The following LRCH1 variants were observed in gnomAD, a reference collection of about 807,000 sequenced individuals.
LRCH1 encodes leucine rich repeats and calponin homology domain containing 1.
LRCH1 carries 23 observed loss-of-function variants against 94.9 expected under a neutral mutation model. The ratio of observed to expected loss-of-function variants is 0.24; its 90% CI spans 0.17 to 0.34. The LOEUF is 0.34. LRCH1 is among the 10% of genes least tolerant of loss of function. The probability of loss-of-function intolerance (pLI) is 1.00; values close to 1 mark genes in which losing one functional copy is unlikely to be tolerated. For synonymous variants in LRCH1, 364 were observed against 354.9 expected (o/e 1.03, Z -0.29); for missense variants, 790 against 945.9 (o/e 0.84, Z 2.16).
intron 1 of LRCH1, among the ~76,000 whole-genome samples, chr13:46,607,197 G>A (rs564772316): frequency 1.1e-3 from 164 of 152,224 alleles, no homozygotes; most frequent in Non-Finnish European, 1.6e-3. Flanking sequence ...CTACTTGGCT[G>A]TTAACTTGCC....
chr13:46,690,742 C>A (rs1413044866), intron 7 of LRCH1, among the ~76,000 whole-genome samples: 1 of 152,182 alleles, frequency 6.6e-6, no homozygotes, highest in East Asian at 1.9e-4. Flanking sequence ...ATTACAGCCT[C>A]CTTTCCTAAG....
In LRCH1 at chr13:46,697,144, T is replaced by C. The variant is rs188971062; in HGVS notation, c.1245+2127T>C. On this transcript the variant is annotated intron_variant, in intron 9 of 19. Coordinates refer to ENST00000389797, the MANE Select transcript of LRCH1 (RefSeq NM_001164211.2). ...GCATCTTGGACCTTTGCAACCACAGTCAATTTTCATTATTCACAGCAGTTA... is the reference window on the plus strand; with the variant it reads ...GCATCTTGGACCTTTGCAACCACAGCCAATTTTCATTATTCACAGCAGTTA... Among the ~76,000 whole-genome samples the C allele has an allele frequency of 3.3e-3, 510 of 152,298 alleles. 3 individuals are homozygous for C. Among genetic ancestry groups the C allele is most frequent in the African/African-American group, 0.012 (480 of 41,576 alleles).
chr13:46,750,736 C>CT (rs1874093997), exon 19 of LRCH1: 1 of 838,396 alleles, frequency 1.2e-6, no homozygotes, highest in Non-Finnish European at 1.9e-6. Context: ...AACCCTCTCT[C>CT]CCACCCACTG....
chr13:46,618,897 T>C (rs1253009312), intron 1 of LRCH1, among the ~76,000 whole-genome samples: 2 of 152,154 alleles, frequency 1.3e-5, no homozygotes, highest in African/African-American at 2.4e-5. Context: ...GTTTTCCCCA[T>C]GTGGGTTTGT....
intron 3 of LRCH1, among the ~76,000 whole-genome samples, chr13:46,677,132 G>A (rs756776841): frequency 1.3e-5 from 2 of 151,994 alleles, no homozygotes; most frequent in African/African-American, 2.4e-5. Context: ...CTAGTCAGCC[G>A]GGCACGGTGG....
chr13:46,601,649 G>A (rs1431041532), intron 1 of LRCH1, among the ~76,000 whole-genome samples: 3 of 152,156 alleles, frequency 2.0e-5, no homozygotes, highest in Admixed American at 1.3e-4. Context: ...AAATGAATTA[G>A]GTTAATAAGA....
chr13:46,589,613 T>G (rs1242554493), intron 1 of LRCH1, among the ~76,000 whole-genome samples: 1 of 148,606 alleles, frequency 6.7e-6, no homozygotes, highest in Non-Finnish European at 1.5e-5. Context: ...TTTTTTTTTT[T>G]TTTTGAGATG....
intron 17 of LRCH1, among the ~76,000 whole-genome samples, chr13:46,724,611 G>T (rs1872727044): frequency 1.3e-5 from 2 of 152,132 alleles, no homozygotes; most frequent in African/African-American, 4.8e-5. Context: ...TTGTCTACCT[G>T]CATGGTCTTT....
At position 46,553,667 on chromosome 13, in the gene LRCH1, GC is replaced by G; in HGVS notation, c.276del (p.His94ThrfsTer52). On this transcript the variant is annotated frameshift_variant, in exon 1 of 20. Coordinates refer to ENST00000389797, the MANE Select transcript of LRCH1 (RefSeq NM_001164211.2). LOFTEE classifies it high-confidence loss of function. ...ATTGAAGGAATTTCCCCGTACCGCA[GC>G]CCCCGGGCACGACCTCTCGGACACG... ...RKLKEFPRTA[A>X]PGHDLSDTVQ... 6.2e-7 allele frequency: 1 copy of G among 1,609,788 alleles called. No individual in the cohort carries two copies.
At chr13:46,642,382 C>T (rs1424599490) in intron 1 of LRCH1, among the ~76,000 whole-genome samples, 1 of 152,192 alleles carries the variant, frequency 6.6e-6, no homozygotes, top group Non-Finnish European at 1.5e-5. Flanking sequence ...GGCTCTGCCA[C>T]TTACTAACTC....
chr13:46,650,722 CAAAAA>C (rs756410319), intron 2 of LRCH1, among the ~76,000 whole-genome samples: 1 of 58,216 alleles, frequency 1.7e-5, no homozygotes, highest in Non-Finnish European at 4.0e-5. Flanking sequence ...AAACAAGGAG[CAAAAA>C]AAAAAAAAAA....
chr13:46,629,559 G>A (rs2050994407), intron 1 of LRCH1, among the ~76,000 whole-genome samples: 1 of 152,124 alleles, frequency 6.6e-6, no homozygotes, highest in African/African-American at 2.4e-5. Context: ...GCATCCTCAG[G>A]GCCCATGTGA....
intron 9 of LRCH1, among the ~76,000 whole-genome samples, chr13:46,695,263 G>A (rs982075311): frequency 6.6e-6 from 1 of 152,138 alleles, no homozygotes; most frequent in African/African-American, 2.4e-5. Context: ...TCAGTGCATC[G>A]TACAAATTAG....
chr13:46,739,894 A>C (rs1257099114), intron 19 of LRCH1, among the ~76,000 whole-genome samples: 1 of 152,164 alleles, frequency 6.6e-6, no homozygotes, highest in African/African-American at 2.4e-5. Context: ...GTACTACTGA[A>C]AACTGCCAAG....
intron 1 of LRCH1, among the ~76,000 whole-genome samples, chr13:46,610,099 AAG>A (rs1409627565): frequency 6.6e-6 from 1 of 152,234 alleles, no homozygotes; most frequent in Non-Finnish European, 1.5e-5. Flanking sequence ...AATGAAAAGA[AAG>A]AGAAGGGAAT....
At chr13:46,644,354 C>T (rs1369933260) in intron 1 of LRCH1, among the ~76,000 whole-genome samples, 1 of 152,198 alleles carries the variant, frequency 6.6e-6, no homozygotes, top group Non-Finnish European at 1.5e-5. Flanking sequence ...CCTTATGTTT[C>T]ATTCTGGGTT....
chr13:46,662,095 C>G (rs1403317134), intron 2 of LRCH1, among the ~76,000 whole-genome samples: 1 of 152,068 alleles, frequency 6.6e-6, no homozygotes. Context: ...CCTGTAATCC[C>G]AGCTACTCAG....
intron 7 of LRCH1, among the ~76,000 whole-genome samples, chr13:46,691,129 G>A (rs1278072408): frequency 2.0e-5 from 3 of 152,180 alleles, no homozygotes; most frequent in Non-Finnish European, 4.4e-5. Flanking sequence ...CAAGAACTTA[G>A]GAGCAAGCCA....
intron 19 of LRCH1, among the ~76,000 whole-genome samples, chr13:46,736,118 C>CTGTGTGTGTG (rs3138585): frequency 0.087 from 12,311 of 142,092 alleles, 598 homozygotes; most frequent in African/African-American, 0.11. Flanking sequence ...CAAATTTGCT[C>CTGTGTGTGTG]TGTGTGTGTG....
Sources: allele counts gnomAD v4.1 joint callset (sites outside exome capture counted in the v4.1 genomes callset), GRCh38; gene constraint gnomAD v4.1.1; transcripts MANE v1.5; gene names NCBI Gene and HGNC (gene_info 2026-07-23, HGNC 2026-07-21).